SMIM14: variants seen among roughly 807,000 people sequenced by gnomAD.
The protein encoded by SMIM14 is chromosome 4 open reading frame 34.
In SMIM14, 5 loss-of-function variants were observed where a neutral mutation model predicts 12.6. That is an observed-to-expected ratio of 0.40 (90% CI 0.21 to 0.83). The LOEUF (loss-of-function observed/expected upper bound fraction) is 0.83, where lower values mean the gene tolerates loss of function less well. SMIM14 is among the 40% of genes least tolerant of loss of function. The pLI, the probability that SMIM14 is intolerant of heterozygous loss-of-function variation, is 0.37. For missense variants in SMIM14, 86 were observed against 119.1 expected, an observed-to-expected ratio of 0.72 and a Z score of 1.29; for synonymous variants, 30 against 40.1, an observed-to-expected ratio of 0.75 and a Z score of 0.95.
intron 2 of SMIM14, among the ~76,000 whole-genome samples, chr4:39,581,536 G>C (rs1713495733): frequency 9.8e-6 from 1 of 101,666 alleles, no homozygotes; most frequent in Non-Finnish European, 2.0e-5. Context: ...TTTTTTTTGA[G>C]ACAGGGTCTT....
intron 2 of SMIM14, among the ~76,000 whole-genome samples, chr4:39,586,763 C>T (rs1312112529): frequency 6.6e-6 from 1 of 152,038 alleles, no homozygotes; most frequent in Non-Finnish European, 1.5e-5. Flanking sequence ...TTTAGTAACA[C>T]TTTTTGTCTT....
intron 1 of SMIM14, among the ~76,000 whole-genome samples, chr4:39,607,870 T>C (rs1714871772): frequency 6.6e-6 from 1 of 152,154 alleles, no homozygotes. Context: ...GGCAAAGAAC[T>C]TGAACAGACA....
intron 1 of SMIM14, among the ~76,000 whole-genome samples, chr4:39,629,820 T>A (rs111540205): frequency 5.9e-5 from 9 of 151,432 alleles, no homozygotes; most frequent in Admixed American, 2.6e-4. Context: ...AGAGAGGGGG[T>A]CTCGATGTGT....
intron 2 of SMIM14, among the ~76,000 whole-genome samples, chr4:39,586,053 T>C (rs1713769665): frequency 6.6e-6 from 1 of 152,116 alleles, no homozygotes; most frequent in South Asian, 2.1e-4. Context: ...TCCCTTTTAG[T>C]TCAACCTGGC....
At chr4:39,613,967 G>C (rs944569413) in intron 1 of SMIM14, among the ~76,000 whole-genome samples, 1 of 152,076 alleles carries the variant, frequency 6.6e-6, no homozygotes, top group Non-Finnish European at 1.5e-5. Context: ...GAGGTGGGTA[G>C]ATCACCTGAG....
rs537155071 is a variant in SMIM14, at chr4:39,590,835, G to A, written c.75+14236C>T. Among the ~76,000 whole-genome samples the A allele has an allele frequency of 9.2e-5, 14 of 151,662 alleles. No individual in the cohort carries two copies. In the East Asian group the frequency reaches 2.3e-3, roughly 25 times the overall value. On this transcript the variant is annotated intron_variant, in intron 2 of 4. Coordinates refer to ENST00000295958, the MANE Select transcript of SMIM14 (RefSeq NM_174921.3). ...AAAAAAAAAATTCCATAGTTATCAC[G>A]GGGCATATTCCTATATTAAATAACA...
intron 1 of SMIM14, among the ~76,000 whole-genome samples, chr4:39,631,700 T>C (rs186272885): frequency 3.2e-4 from 49 of 152,158 alleles, no homozygotes; most frequent in Non-Finnish European, 3.8e-4. Context: ...TAAAAGATGA[T>C]AGCAGCCAGA....
chr4:39,599,725 C>T (rs143013152), intron 2 of SMIM14, among the ~76,000 whole-genome samples: 225 of 151,950 alleles, frequency 1.5e-3, no homozygotes, highest in African/African-American at 5.3e-3. Context: ...AGATCGAGAC[C>T]ATCCTGGCCA....
intron 2 of SMIM14, among the ~76,000 whole-genome samples, chr4:39,582,431 G>A (rs13124117): frequency 6.6e-6 from 1 of 151,002 alleles, no homozygotes; most frequent in East Asian, 1.9e-4. Flanking sequence ...TTGGGAAGCC[G>A]AGGCAGGTGG....
Position 39,638,723 on chromosome 4 carries a change from A to G in SMIM14, c.-36+16T>C. ...GTGAGCCAGCAAACGCTGGTGGGAG[A>G]GGGGGAGACACTCACCCGCCCAGAC... On this transcript the variant is annotated intron_variant, in intron 1 of 4. Coordinates refer to ENST00000295958, the MANE Select transcript of SMIM14 (RefSeq NM_174921.3). The G allele has an allele frequency of 1.0e-6, 1 of 985,104 alleles. No individual in the cohort carries two copies. Among genetic ancestry groups the G allele is most frequent in the Non-Finnish European group, 1.2e-6 (1 of 829,880 alleles). 61.0% of individuals were successfully genotyped at this position (985,104 alleles called of 1,614,324 possible). A position where few individuals can be genotyped will look rare whatever the true frequency, so the allele number is the denominator to read the frequency against.
intron 3 of SMIM14, among the ~76,000 whole-genome samples, chr4:39,561,415 C>G (rs1399698146): frequency 6.6e-6 from 1 of 152,118 alleles, no homozygotes; most frequent in African/African-American, 2.4e-5. Context: ...CCAGCCTGGG[C>G]AAAATGGCTG....
In SMIM14 at chr4:39,624,928, T is replaced by C. The variant is rs986172023; in HGVS notation, c.-36+13811A>G. Among the ~76,000 whole-genome samples, 5 of 151,392 alleles carry C rather than the reference T, an allele frequency of 3.3e-5. No individual in the cohort carries two copies. In the East Asian group the frequency reaches 7.8e-4, roughly 24 times the overall value. On this transcript the variant is annotated intron_variant, in intron 1 of 4. Transcript: ENST00000295958. ...GGCAAGAAAAGGATGCAGACTTGGC[T>C]GGGCATGGTGGCTCACACCTATAAT...
intron 2 of SMIM14, among the ~76,000 whole-genome samples, chr4:39,591,012 G>T (rs1294888497): frequency 6.6e-6 from 1 of 151,830 alleles, no homozygotes; most frequent in East Asian, 1.9e-4. Context: ...ATCTGCAGGG[G>T]CTTGGTTCCA....
chr4:39,576,175 G>A (rs1295461192), intron 2 of SMIM14, among the ~76,000 whole-genome samples: 5 of 151,342 alleles, frequency 3.3e-5, no homozygotes, highest in Non-Finnish European at 2.9e-5. Context: ...GATTACAGGC[G>A]TGAGTCACCA....
At chr4:39,628,908 T>C (rs1411379753) in intron 1 of SMIM14, among the ~76,000 whole-genome samples, 1 of 150,380 alleles carries the variant, frequency 6.6e-6, no homozygotes, top group African/African-American at 2.4e-5. Flanking sequence ...AGTTTTTATA[T>C]GGTTAGTAGA....
At chr4:39,576,582 A>T (rs555821436) in intron 2 of SMIM14, among the ~76,000 whole-genome samples, 189 of 141,602 alleles carry the variant, frequency 1.3e-3, no homozygotes, top group African/African-American at 4.7e-3. Context: ...TCACAATGTC[A>T]TGTTGTAATT....
chr4:39,554,343 C>A (rs113352851), intron 4 of SMIM14, among the ~76,000 whole-genome samples: 30,135 of 152,122 alleles, frequency 0.2, 3,422 homozygotes, highest in Non-Finnish European at 0.26. Context: ...TGTGGTGACA[C>A]ACATCTGTAA....
intron 2 of SMIM14, chr4:39,592,646 G>A (rs1714163161): frequency 2.0e-5 from 3 of 152,032 alleles, no homozygotes; most frequent in Admixed American, 1.3e-4. Flanking sequence ...ATATAACTAT[G>A]GTGCATTTAA....
At chr4:39,629,090 C>G (rs540793708) in intron 1 of SMIM14, among the ~76,000 whole-genome samples, 1 of 151,772 alleles carries the variant, frequency 6.6e-6, no homozygotes, top group East Asian at 2.0e-4. Context: ...TATAAAAATT[C>G]CAGGCCAGGC....
Sources: allele counts gnomAD v4.1 joint callset (sites outside exome capture counted in the v4.1 genomes callset), GRCh38; gene constraint gnomAD v4.1.1; transcripts MANE v1.5; gene names NCBI Gene and HGNC (gene_info 2026-07-23, HGNC 2026-07-21).